The following LDLRAD4 variants were observed in gnomAD, a reference collection of about 807,000 sequenced individuals.
The protein encoded by LDLRAD4 is low density lipoprotein receptor class A domain containing 4.
A neutral mutation model predicts 17.0 loss-of-function variants in LDLRAD4; 5 were observed. The ratio of observed to expected loss-of-function variants is 0.29; its 90% CI spans 0.15 to 0.62. The LOEUF is 0.62. Among genes scored for constraint, LDLRAD4 ranks in the 20% least tolerant of loss-of-function variants. LDLRAD4 has a pLI of 0.84. For missense variants in LDLRAD4, 340 were observed against 424.7 expected (o/e 0.80, Z 1.75); for synonymous variants, 168 against 171.8 (o/e 0.98, Z 0.17).
At chr18:13,359,144 A>C (rs1482875456) in intron 1 of LDLRAD4, among the ~76,000 whole-genome samples, 5 of 152,176 alleles carry the variant, frequency 3.3e-5, no homozygotes, top group Non-Finnish European at 7.3e-5. Flanking sequence ...ACCTGTGCTC[A>C]GCCTCAGGCT....
intron 1 of LDLRAD4, among the ~76,000 whole-genome samples, chr18:13,321,861 C>CAAAAAAAAAAAAAG (rs2081242564): frequency 1.6e-5 from 1 of 62,140 alleles, no homozygotes; most frequent in African/African-American, 6.4e-5. Flanking sequence ...GACTCCGTCT[C>CAAAAAAAAAAAAAG]AAAAAAAAAA....
rs961898640 is a variant in LDLRAD4 at position 13,641,926 on chromosome 18, G to A, written c.337-1433G>A. 1.1e-5 allele frequency: 11 copies of A among 985,402 alleles called. No individual in the cohort carries two copies. The African/African-American group carries it at 1.6e-4, about 14-fold the overall frequency. 61.0% of individuals were successfully genotyped at this position (985,402 alleles called of 1,614,324 possible). The stretch of plus-strand genomic sequence containing the variant: ...TGGACCTGGCGGCGTTCCTGGCTAC[G>A]GCTGACTGGGCTCCCGGAGCGAGGA... On this transcript the variant is annotated intron_variant, in intron 4 of 5. Coordinates refer to ENST00000359446, the Ensembl canonical transcript of LDLRAD4.
intron 3 of LDLRAD4, among the ~76,000 whole-genome samples, chr18:13,457,565 G>A (rs565002745): frequency 1.7e-4 from 26 of 152,308 alleles, no homozygotes; most frequent in African/African-American, 4.3e-4. Context: ...GGACAGAAAG[G>A]ACAGGAGAAG....
At chr18:13,560,390 G>A (rs367932870) in intron 3 of LDLRAD4, among the ~76,000 whole-genome samples, 70 of 152,274 alleles carry the variant, frequency 4.6e-4, no homozygotes, top group African/African-American at 1.5e-3. Context: ...AAGGGGATTC[G>A]GGTCTTTCCC....
intron 3 of LDLRAD4, among the ~76,000 whole-genome samples, chr18:13,484,416 A>G (rs2146995753): frequency 6.6e-6 from 1 of 152,338 alleles, no homozygotes; most frequent in South Asian, 2.1e-4. Flanking sequence ...CATCCTGAGT[A>G]ACATATGGGG....
At chr18:13,565,141 T>C (rs2094584175) in intron 3 of LDLRAD4, 1 of 152,242 alleles carries the variant, frequency 6.6e-6, no homozygotes, top group African/African-American at 2.4e-5. Context: ...AACTAGGTTT[T>C]CTAGGATTAT....
At chr18:13,358,076 A>G (rs2083449286) in intron 1 of LDLRAD4, among the ~76,000 whole-genome samples, 1 of 152,064 alleles carries the variant, frequency 6.6e-6, no homozygotes, top group Non-Finnish European at 1.5e-5. Flanking sequence ...ATCATACCCA[A>G]TCCACACTCA....
At chr18:13,230,734 A>G (rs1425622134) in intron 1 of LDLRAD4, among the ~76,000 whole-genome samples, 1 of 152,168 alleles carries the variant, frequency 6.6e-6, no homozygotes, top group Non-Finnish European at 1.5e-5. Flanking sequence ...CTGAAATTTC[A>G]AACTCAAACT....
chr18:13,380,987 G>T (rs2085315973), intron 1 of LDLRAD4, among the ~76,000 whole-genome samples: 1 of 151,980 alleles, frequency 6.6e-6, no homozygotes, highest in Admixed American at 6.5e-5. Context: ...GCTATAGGCA[G>T]CCTGTTTCTC....
chr18:13,587,930 T>C (rs1050507022), intron 3 of LDLRAD4, among the ~76,000 whole-genome samples: 1 of 152,222 alleles, frequency 6.6e-6, no homozygotes, highest in African/African-American at 2.4e-5. Flanking sequence ...CTCTTTCATA[T>C]AAATTGGATG....
chr18:13,383,547 G>A (rs923118443), intron 1 of LDLRAD4, among the ~76,000 whole-genome samples: 2 of 152,238 alleles, frequency 1.3e-5, no homozygotes, highest in African/African-American at 4.8e-5. Context: ...AAGATTGGAG[G>A]GACGGCCGGC....
chr18:13,650,861 A>C (rs1193878027), exon 6 of LDLRAD4: 2 of 152,480 alleles, frequency 1.3e-5, no homozygotes, highest in African/African-American at 4.8e-5. Context: ...ATTAAATATC[A>C]ATATTATAAC....
intron 2 of LDLRAD4, among the ~76,000 whole-genome samples, chr18:13,411,347 A>C (rs1409444814): frequency 6.6e-6 from 1 of 152,198 alleles, no homozygotes; most frequent in Non-Finnish European, 1.5e-5. Flanking sequence ...TTTTGCCGTA[A>C]GTGCTTAACA....
intron 4 of LDLRAD4, among the ~76,000 whole-genome samples, chr18:13,637,635 G>A (rs1601853930): frequency 6.6e-6 from 1 of 152,140 alleles, no homozygotes; most frequent in African/African-American, 2.4e-5. Context: ...GGAGGCCGAG[G>A]CGGGTGGATC....
chr18:13,362,886 C>CT (rs556805570), intron 1 of LDLRAD4, among the ~76,000 whole-genome samples: 196 of 147,854 alleles, frequency 1.3e-3, no homozygotes, highest in African/African-American at 3.7e-3. Flanking sequence ...AATTAGAAAA[C>CT]TTTTTTTTTT....
chr18:13,539,020 T>C (rs2147919616), intron 3 of LDLRAD4, among the ~76,000 whole-genome samples: 1 of 152,354 alleles, frequency 6.6e-6, no homozygotes, highest in East Asian at 1.9e-4. Context: ...TCAGTTTCCT[T>C]TGGTGTAACT....
rs190867854 is a variant in LDLRAD4, at chr18:13,422,610, A to T, written c.41-15634A>T. On this transcript the variant is annotated intron_variant, in intron 2 of 5. Transcript: ENST00000359446. ...CTACTCGGGAGGCTGAGGCGGGAGG[A>T]TGGCTTGAGCCCAGGTGTTGGAGGC... Among the ~76,000 whole-genome samples, 611 of 151,436 alleles carry T rather than the reference A, an allele frequency of 4.0e-3. 5 individuals are homozygous for T. The highest frequency in any genetic ancestry group is 0.028 in the Middle Eastern group (8 of 286).
rs191358937 is a variant in LDLRAD4 at position 13,347,191 on chromosome 18, T to A, written c.-382-40150T>A. 9.5e-3 allele frequency among the ~76,000 whole-genome samples: 1,453 copies of A among 152,340 alleles called. 13 individuals are homozygous for A. The highest frequency in any genetic ancestry group is 0.026 in the African/African-American group (1,061 of 41,574). Reference sequence around the variant, plus strand: ...TCGATGGTCTTTATAATTTGGCATGTTTTTGCAGTGGCTGGTACTGGTTGT... The same window carrying A: ...TCGATGGTCTTTATAATTTGGCATGATTTTGCAGTGGCTGGTACTGGTTGT... On this transcript the variant is annotated intron_variant, in intron 1 of 5. Transcript: ENST00000359446.
intron 3 of LDLRAD4, among the ~76,000 whole-genome samples, chr18:13,485,600 G>A (rs1291828225): frequency 6.6e-6 from 1 of 152,244 alleles, no homozygotes; most frequent in African/African-American, 2.4e-5. Flanking sequence ...TGGGCCCGGG[G>A]CGTGGCCTGG....
Sources: allele counts gnomAD v4.1 joint callset (sites outside exome capture counted in the v4.1 genomes callset), GRCh38; gene constraint gnomAD v4.1.1; transcripts MANE v1.5; gene names NCBI Gene and HGNC (gene_info 2026-07-23, HGNC 2026-07-21).